Variants in SYT16 observed in about 807,000 individuals in gnomAD.
The protein encoded by SYT16 is synaptotagmin-16.
A neutral mutation model predicts 61.4 loss-of-function variants in SYT16; 42 were observed. The ratio of observed to expected loss-of-function variants is 0.68; its 90% CI spans 0.53 to 0.89. SYT16 has a LOEUF of 0.89. Ranked by LOEUF, SYT16 falls within the 40% of genes least tolerant of loss-of-function variation. The pLI is 0.00. For synonymous variants in SYT16, 314 were observed against 302.3 expected, an observed-to-expected ratio of 1.04 and a Z score of -0.40; for missense variants, 804 against 807.3, an observed-to-expected ratio of 1.00 and a Z score of 0.05.
At chr14:61,905,767 T>C (rs2048683234) in intron 1 of SYT16, among the ~76,000 whole-genome samples, 2 of 151,524 alleles carry the variant, frequency 1.3e-5, no homozygotes, top group Non-Finnish European at 2.9e-5. Flanking sequence ...TCTTCTTTTT[T>C]TTTTTTTTGG....
rs183265829 is a variant in SYT16 at position 61,954,478 on chromosome 14, A to G, written c.-324-15654A>G. On this transcript the variant is annotated intron_variant, in intron 1 of 7. Coordinates refer to ENST00000683842, the MANE Select transcript of SYT16 (RefSeq NM_001367656.1). ...GGGGCTATCCAGTGGCACGCCAGAC[A>G]TACAGTTAACTTTGAGGAAGTTTTT... Among the ~76,000 whole-genome samples the G allele has an allele frequency of 6.6e-5, 10 of 152,238 alleles. No individual in the cohort carries two copies. The East Asian group carries it at 1.7e-3, about 26-fold the overall frequency.
At chr14:62,016,187 A>G (rs910649395) in intron 3 of SYT16, among the ~76,000 whole-genome samples, 1 of 152,158 alleles carries the variant, frequency 6.6e-6, no homozygotes, top group African/African-American at 2.4e-5. Context: ...CACTCCAGCT[A>G]TGGAAATGAA....
chr14:61,906,890 A>G (rs1226257565), intron 1 of SYT16, among the ~76,000 whole-genome samples: 1 of 152,182 alleles, frequency 6.6e-6, no homozygotes, highest in Non-Finnish European at 1.5e-5. Context: ...TGAGGACACA[A>G]TGGTAAATGA....
intron 1 of SYT16, among the ~76,000 whole-genome samples, chr14:61,945,643 CAGG>C (rs1291837962): frequency 6.6e-6 from 1 of 151,974 alleles, no homozygotes; most frequent in Non-Finnish European, 1.5e-5. Flanking sequence ...ATCACGAGGT[CAGG>C]AGATCGAGAC....
Position 62,108,324 on chromosome 14 carries a change from C to A in SYT16, c.*7617C>A, listed in dbSNP as rs1258821044. 6.6e-6 allele frequency: 1 copy of A among 151,964 alleles called. No individual in the cohort carries two copies. Among genetic ancestry groups the A allele is most frequent in the Non-Finnish European group, 1.5e-5 (1 of 67,994 alleles). 9.4% of individuals were successfully genotyped at this position (151,964 alleles called of 1,614,324 possible). On this transcript the variant is annotated 3_prime_UTR_variant, in exon 8 of 8. Coordinates refer to ENST00000683842, the MANE Select transcript of SYT16 (RefSeq NM_001367656.1). ...ACTGAAAGCAAGTTTTTCGTGTTGC[C>A]CAGTTGATAGTCCATAATAAAAAAT...
chr14:61,983,277 AAT>A (rs750540378), intron 2 of SYT16, among the ~76,000 whole-genome samples: 3 of 152,216 alleles, frequency 2.0e-5, no homozygotes, highest in Non-Finnish European at 2.9e-5. Flanking sequence ...TTCCATTAAA[AAT>A]ATATGTGTTC....
chr14:61,975,666 G>T (rs1188912730), intron 2 of SYT16, among the ~76,000 whole-genome samples: 5 of 152,118 alleles, frequency 3.3e-5, no homozygotes, highest in Non-Finnish European at 5.9e-5. Flanking sequence ...CCTCCACCTA[G>T]TTTCTCCCTT....
At chr14:61,868,720 A>G (rs1481111133) in intron 1 of SYT16, among the ~76,000 whole-genome samples, 3 of 152,114 alleles carry the variant, frequency 2.0e-5, no homozygotes, top group Non-Finnish European at 4.4e-5. Flanking sequence ...TGCCCAGATT[A>G]TGGTCTGGGT....
chr14:62,069,968 G>A (rs8018978), intron 4 of SYT16, among the ~76,000 whole-genome samples, 153 bp downstream of exon 4: 57,472 of 152,046 alleles, frequency 0.38, 11,508 homozygotes, highest in African/African-American at 0.51. Context: ...GGGCTGCTTT[G>A]AACCTCCCAA....
intron 1 of SYT16, chr14:61,832,470 C>A: frequency 2.6e-6 from 1 of 389,326 alleles, no homozygotes; most frequent in South Asian, 2.0e-5. Flanking sequence ...GAGTTTTGCT[C>A]TTGTTGCCCA....
chr14:61,864,754 G>A, intron 1 of SYT16: 1 of 969,604 alleles, frequency 1.0e-6, no homozygotes, highest in Non-Finnish European at 1.6e-6. Flanking sequence ...CCTGGTTAAT[G>A]ACGCATGTGG....
In SYT16 at chr14:62,105,661, A is replaced by G. The variant is rs1229585401; in HGVS notation, c.*4954A>G. The G allele has an allele frequency of 1.3e-5, 2 of 152,234 alleles. No homozygotes were observed. Among genetic ancestry groups the G allele is most frequent in the East Asian group, 1.9e-4 (1 of 5,198 alleles). The allele number at this position is 152,234 out of a possible 1,614,324, so 9.4% of individuals were successfully genotyped here. On this transcript the variant is annotated 3_prime_UTR_variant, in exon 8 of 8. Transcript: ENST00000683842. ...TTCTCAAGTGATTCAAACCTTGAGT[A>G]AAAAGGAGAGTTTCTGGAGAATTTA...
chr14:61,911,612 C>T (rs1566673855), intron 1 of SYT16, among the ~76,000 whole-genome samples: 1 of 152,116 alleles, frequency 6.6e-6, no homozygotes, highest in Non-Finnish European at 1.5e-5. Context: ...AGCTGAACAC[C>T]ACAGCAGCTT....
At chr14:61,965,515 T>A (rs1953232316) in intron 1 of SYT16, among the ~76,000 whole-genome samples, 1 of 152,172 alleles carries the variant, frequency 6.6e-6, no homozygotes, top group Non-Finnish European at 1.5e-5. Flanking sequence ...ATTTCTAGTG[T>A]TCCCCATCCC....
chr14:61,969,848 A>T (rs1027851832), intron 1 of SYT16, among the ~76,000 whole-genome samples: 2 of 152,152 alleles, frequency 1.3e-5, no homozygotes, highest in Non-Finnish European at 2.9e-5. Context: ...TGAGGACAGG[A>T]GCAAGAAGAG....
chr14:62,042,997 G>C (rs890795328), intron 3 of SYT16, among the ~76,000 whole-genome samples: 4 of 151,864 alleles, frequency 2.6e-5, no homozygotes, highest in Admixed American at 2.6e-4. Context: ...CCTGTTTTAT[G>C]TCTATGTGGT....
chr14:62,015,296 T>A (rs1291742559), intron 3 of SYT16, among the ~76,000 whole-genome samples: 3 of 150,578 alleles, frequency 2.0e-5, no homozygotes, highest in African/African-American at 7.3e-5. Context: ...AAAAAAAAAA[T>A]GAATGGCTAA....
rs531181144 is a variant in SYT16 at position 62,102,500 on chromosome 14, C to T, written c.*1793C>T. The T allele has an allele frequency of 2.0e-5, 3 of 152,214 alleles. No homozygotes were observed. Among genetic ancestry groups the T allele is most frequent in the South Asian group, 4.1e-4 (2 of 4,826 alleles). The allele number at this position is 152,214 out of a possible 1,614,324, so 9.4% of individuals were successfully genotyped here. ...TACCCTACCTTTCTTTGGGAGATCT[C>T]AGAGTGCTTTTCCAGCATTATATCC... On this transcript the variant is annotated 3_prime_UTR_variant, in exon 8 of 8. Transcript: ENST00000683842.
chr14:62,050,909 C>T (rs1226497911), intron 3 of SYT16, among the ~76,000 whole-genome samples: 1 of 152,182 alleles, frequency 6.6e-6, no homozygotes, highest in Non-Finnish European at 1.5e-5. Context: ...AGTTAGGCTA[C>T]TGGGGGTCAG....
Sources: gnomAD v4.1 joint callset for allele counts (sites outside exome capture counted in the v4.1 genomes callset) on GRCh38, gnomAD v4.1.1 for gene constraint, MANE v1.5 for transcripts, NCBI Gene and HGNC (gene_info 2026-07-23, HGNC 2026-07-21) for gene names.